RBM20: variants seen among roughly 807,000 people sequenced by gnomAD.
The protein encoded by RBM20 is RNA-binding protein 20.
Under a neutral mutation model 110.1 loss-of-function variants are expected in RBM20, and 51 were observed. That is an observed-to-expected ratio of 0.46 (90% CI 0.37 to 0.59). RBM20 has a LOEUF of 0.59. Among genes scored for constraint, RBM20 ranks in the 20% least tolerant of loss-of-function variants. The pLI, the probability that RBM20 is intolerant of heterozygous loss-of-function variation, is 0.00. For synonymous variants in RBM20, 589 were observed against 618.2 expected, an observed-to-expected ratio of 0.95 and a Z score of 0.70; for missense variants, 1,512 against 1,574.9, an observed-to-expected ratio of 0.96 and a Z score of 0.68.
chr10:110,746,363 G>A (rs1031847911), intron 1 of RBM20, among the ~76,000 whole-genome samples: 1 of 152,194 alleles, frequency 6.6e-6, no homozygotes, highest in Admixed American at 6.5e-5. Context: ...CCAGGAATTT[G>A]TGGCCATATT....
intron 1 of RBM20, among the ~76,000 whole-genome samples, chr10:110,737,191 A>AAAAAAAAAAAAAAAAAAAAAAAAAAAC (rs1564830214): frequency 6.9e-6 from 1 of 143,974 alleles, no homozygotes; most frequent in Non-Finnish European, 1.5e-5. Context: ...AAAAAAAAAA[A>AAAAAAAAAAAAAAAAAAAAAAAAAAAC]AAAAAACACC....
chr10:110,766,181 G>A (rs913259969), intron 1 of RBM20, among the ~76,000 whole-genome samples: 1 of 152,176 alleles, frequency 6.6e-6, no homozygotes, highest in African/African-American at 2.4e-5. Flanking sequence ...AATCTGCTTG[G>A]ATCGTAACCA....
chr10:110,797,054 A>G (rs1467236290), intron 5 of RBM20, among the ~76,000 whole-genome samples: 3 of 152,226 alleles, frequency 2.0e-5, no homozygotes, highest in Non-Finnish European at 4.4e-5. Flanking sequence ...TCAAAAGTTT[A>G]CAGATACTCA....
At chr10:110,700,285 C>T (rs1437040992) in intron 1 of RBM20, among the ~76,000 whole-genome samples, 2 of 152,230 alleles carry the variant, frequency 1.3e-5, no homozygotes, top group East Asian at 3.9e-4. Context: ...TTTATAGGTG[C>T]TACATTTTTT....
At chr10:110,769,265 GTTGT>G (rs77969973) in intron 1 of RBM20, among the ~76,000 whole-genome samples, 27,859 of 151,814 alleles carry the variant, frequency 0.18, 2,624 homozygotes, top group African/African-American at 0.23. Flanking sequence ...TTTTTTTGTT[GTTGT>G]TTATTTGTTT....
chr10:110,680,700 C>G lies in RBM20; in HGVS notation c.191+36055C>G, dbSNP rs542040552. Among the ~76,000 whole-genome samples, 33 of 152,280 alleles carry G rather than the reference C, an allele frequency of 2.2e-4. No homozygotes were observed. The South Asian group carries it at 6.8e-3, about 32-fold the overall frequency. ...TGCACGCCTGGGGGAGGCTGTGACC[C>G]ACCTTTCATAGTGGGGCTTGGCAGG... On this transcript the variant is annotated intron_variant, in intron 1 of 13. Transcript: ENST00000369519.
At chr10:110,643,828 A>G (rs1047386982), upstream of RBM20, among the ~76,000 whole-genome samples, 1 of 152,128 alleles carries the variant, frequency 6.6e-6, no homozygotes, top group Non-Finnish European at 1.5e-5. Context: ...GTGCCTCAAG[A>G]GCCAGTGGCG....
chr10:110,643,539 A>G (rs1861817954), upstream of RBM20, among the ~76,000 whole-genome samples: 1 of 152,198 alleles, frequency 6.6e-6, no homozygotes, highest in Non-Finnish European at 1.5e-5. Flanking sequence ...CTCTCTTTTC[A>G]TCCTTTACAT....
At chr10:110,736,762 T>C (rs1386973344) in intron 1 of RBM20, among the ~76,000 whole-genome samples, 2 of 152,320 alleles carry the variant, frequency 1.3e-5, no homozygotes, top group East Asian at 3.9e-4. Flanking sequence ...ATGGTTTGAA[T>C]GTTTGTATCC....
intron 1 of RBM20, among the ~76,000 whole-genome samples, chr10:110,669,452 G>T (rs1201542157): frequency 6.6e-6 from 1 of 152,162 alleles, no homozygotes; most frequent in Non-Finnish European, 1.5e-5. Context: ...AGCCTCTTAT[G>T]GTTTTTTGCC....
intron 7 of RBM20, among the ~76,000 whole-genome samples, chr10:110,802,401 T>TC (rs71035306): frequency 4.1e-5 from 6 of 147,290 alleles, no homozygotes; most frequent in Admixed American, 6.8e-5. Flanking sequence ...TTTTTTTTTT[T>TC]CCTAATAAAA....
At chr10:110,799,674 T>G in intron 6 of RBM20, 113 bp from the exon 7 acceptor site, 1 of 1,008,424 alleles carries the variant, frequency 9.9e-7, no homozygotes, top group Non-Finnish European at 1.4e-6. Flanking sequence ...CTGTCACCGT[T>G]GATTAGTTTT....
chr10:110,745,098 C>A (rs1209207947), intron 1 of RBM20, among the ~76,000 whole-genome samples: 2 of 152,330 alleles, frequency 1.3e-5, no homozygotes, highest in Non-Finnish European at 2.9e-5. Flanking sequence ...TGAATACAAA[C>A]CCTCTGCTTT....
intron 1 of RBM20, among the ~76,000 whole-genome samples, chr10:110,694,719 A>G (rs1001205814): frequency 3.9e-5 from 6 of 152,172 alleles, no homozygotes; most frequent in African/African-American, 1.4e-4. Flanking sequence ...CCTCTTGCTA[A>G]CAGCAAACTG....
chr10:110,717,687 T>G (rs1863040293), intron 1 of RBM20, among the ~76,000 whole-genome samples: 1 of 152,232 alleles, frequency 6.6e-6, no homozygotes, highest in Non-Finnish European at 1.5e-5. Context: ...TGGCATCTGT[T>G]GCTCCATCTG....
chr10:110,801,032 T>C (rs774347311), intron 7 of RBM20, among the ~76,000 whole-genome samples: 3 of 152,206 alleles, frequency 2.0e-5, no homozygotes, highest in Non-Finnish European at 2.9e-5. Flanking sequence ...TAACTAAGAT[T>C]GAGATAGCTG....
intron 5 of RBM20, among the ~76,000 whole-genome samples, chr10:110,788,293 C>T (rs1187708014): frequency 1.3e-5 from 2 of 152,200 alleles, no homozygotes; most frequent in Non-Finnish European, 2.9e-5. Context: ...CTGGCCTTGG[C>T]CACCCATGGA....
chr10:110,796,748 G>A (rs1054029442), intron 5 of RBM20, among the ~76,000 whole-genome samples: 1 of 152,112 alleles, frequency 6.6e-6, no homozygotes, highest in Non-Finnish European at 1.5e-5. Flanking sequence ...GGAAGACTCT[G>A]ACTTCTTAAA....
At position 110,781,765 on chromosome 10, in the gene RBM20, C is replaced by A. The variant is rs794729143; in HGVS notation, c.1156C>A (p.Gln386Lys). 6.4e-6 allele frequency: 10 copies of A among 1,551,724 alleles called. No individual in the cohort carries two copies. The highest frequency in any genetic ancestry group is 8.7e-6 in the Non-Finnish European group (10 of 1,147,016). The stretch of plus-strand genomic sequence containing the variant: ...TGCTGGGCGGAGGGCCAAGGAGGAC[C>A]AGGCGTTGCTATCTGTGCGGCCCCT... Reference protein sequence around the residue: ...IGAGRRAKEDQALLSVRPLQA... With the variant: ...IGAGRRAKEDKALLSVRPLQA... The change falls in exon 2 of 14, where the codon CAG becomes AAG. Residue 386 changes from glutamine (Q) to lysine (K), a missense_variant. By Grantham distance (53) the Gln-to-Lys change is moderately conservative. Around this residue, in one of 3 missense-constraint regions of RBM20, gnomAD observed 1,149 missense variants for 1,169.4 expected, o/e 0.98. Coordinates refer to ENST00000369519, the MANE Select transcript of RBM20 (RefSeq NM_001134363.3).
Sources: gnomAD v4.1 joint callset for allele counts (sites outside exome capture counted in the v4.1 genomes callset) on GRCh38, gnomAD v4.1.1 for gene constraint, gnomAD v4.1.1 regional missense constraint, MANE v1.5 for transcripts, NCBI Gene and HGNC (gene_info 2026-07-23, HGNC 2026-07-21) for gene names.